KIT: variants seen among roughly 807,000 people sequenced by gnomAD.
KIT encodes KIT proto-oncogene, receptor tyrosine kinase, also known as mast/stem cell growth factor receptor Kit.
A neutral mutation model predicts 105.7 loss-of-function variants in KIT; 16 were observed. The observed-to-expected ratio is 0.15, with a 90% CI of 0.10 to 0.23. The LOEUF is 0.23. Among genes scored for constraint, KIT ranks in the 10% least tolerant of loss-of-function variants. The pLI, the probability that KIT is intolerant of heterozygous loss-of-function variation, is 1.00. For missense variants in KIT, 858 were observed against 1,213.8 expected, an observed-to-expected ratio of 0.71 and a Z score of 4.36; for synonymous variants, 438 against 441.1, an observed-to-expected ratio of 0.99 and a Z score of 0.09.
intron 2 of KIT, among the ~76,000 whole-genome samples, chr4:54,697,755 C>G (rs775164141): frequency 6.6e-6 from 1 of 152,132 alleles, no homozygotes; most frequent in Non-Finnish European, 1.5e-5. Context: ...CTTTAGAAGC[C>G]GAAAGACTCT....
At chr4:54,661,476 T>C (rs1717266144) in intron 1 of KIT, among the ~76,000 whole-genome samples, 1 of 152,224 alleles carries the variant, frequency 6.6e-6, no homozygotes, top group Non-Finnish European at 1.5e-5. Flanking sequence ...TGAACCTCGG[T>C]GTCTCTAGCG....
rs150230728 is a variant in KIT at position 54,658,297 on chromosome 4, A to G, written c.67+216A>G. ...AGACCCCAGCTGCTGGTGGTGGGGG[A>G]CGCGAATCCGGGGTTCTTCGGGAAT... On this transcript the variant is annotated intron_variant, in intron 1 of 20. Transcript: ENST00000288135. 0.026 allele frequency among the ~76,000 whole-genome samples: 3,979 copies of G among 151,968 alleles called. 183 individuals are homozygous for G. The highest frequency in any genetic ancestry group is 0.089 in the African/African-American group (3,694 of 41,444).
intron 1 of KIT, among the ~76,000 whole-genome samples, chr4:54,692,098 ACT>A: frequency 6.6e-6 from 1 of 152,306 alleles, no homozygotes; most frequent in African/African-American, 2.4e-5. Flanking sequence ...TAAAATAAGT[ACT>A]GTTAGTATCC....
At chr4:54,733,028 A>G in intron 16 of KIT, 42 bp from the exon 17 acceptor site, 1 of 1,582,072 alleles carries the variant, frequency 6.3e-7, no homozygotes, top group Non-Finnish European at 8.7e-7. Context: ...TTACAAGTTA[A>G]AATGAATTTA....
intron 7 of KIT, among the ~76,000 whole-genome samples, chr4:54,721,689 A>G (rs1721890235): frequency 6.6e-6 from 1 of 152,204 alleles, no homozygotes; most frequent in Non-Finnish European, 1.5e-5. Context: ...CTGAGAGGTT[A>G]TTCTACAAAG....
Position 54,738,568 on chromosome 4 carries a change from T to A in KIT, c.*11T>A, listed in dbSNP as rs1261309034. 2 of 1,613,720 alleles carry A rather than the reference T, an allele frequency of 1.2e-6. No homozygotes were observed. Reference sequence around the variant, plus strand: ...CACGACGATGTCTGAGCAGAATCAGTGTTTGGGTCACCCCTCCAGGAATGA... The same window carrying A: ...CACGACGATGTCTGAGCAGAATCAGAGTTTGGGTCACCCCTCCAGGAATGA... On this transcript the variant is annotated 3_prime_UTR_variant, in exon 21 of 21. Transcript: ENST00000288135.
At chr4:54,700,461 TAG>T in intron 4 of KIT, among the ~76,000 whole-genome samples, 2 of 152,232 alleles carry the variant, frequency 1.3e-5, no homozygotes, top group Non-Finnish European at 2.9e-5. Flanking sequence ...AAATTTTAGC[TAG>T]TTACTGAAAT....
chr4:54,722,911 A>G (rs902281402), intron 7 of KIT, among the ~76,000 whole-genome samples: 10 of 146,146 alleles, frequency 6.8e-5, no homozygotes, highest in Non-Finnish European at 1.2e-4. Flanking sequence ...ATTCACGTTC[A>G]TAATATACAT....
At chr4:54,735,656 C>A (rs549996825) in intron 17 of KIT, among the ~76,000 whole-genome samples, 12 of 152,194 alleles carry the variant, frequency 7.9e-5, no homozygotes, top group Non-Finnish European at 1.6e-4. Flanking sequence ...CTTATTTAAC[C>A]CACAAGACAA....
At chr4:54,674,057 C>T (rs1186108114) in intron 1 of KIT, among the ~76,000 whole-genome samples, 1 of 152,194 alleles carries the variant, frequency 6.6e-6, no homozygotes, top group African/African-American at 2.4e-5. Context: ...AGGCATGAGC[C>T]ACCGTGCCCG....
chr4:54,720,884 T>A (rs183493711), intron 7 of KIT, among the ~76,000 whole-genome samples: 2 of 152,344 alleles, frequency 1.3e-5, no homozygotes, highest in East Asian at 3.9e-4. Flanking sequence ...AAAATTCATG[T>A]TGTCAGGCGC....
chr4:54,715,092 T>G (rs775642267), intron 7 of KIT, among the ~76,000 whole-genome samples: 22 of 152,330 alleles, frequency 1.4e-4, no homozygotes, highest in Middle Eastern at 3.4e-3. Context: ...TCCTACCTGT[T>G]GTTAGCAATT....
chr4:54,677,674 C>T (rs1718579619), intron 1 of KIT, among the ~76,000 whole-genome samples: 2 of 152,164 alleles, frequency 1.3e-5, no homozygotes, highest in South Asian at 2.1e-4. Flanking sequence ...GATACGCACT[C>T]CTTTGCCTTT....
chr4:54,706,475 T>G (rs1005697778), intron 5 of KIT, among the ~76,000 whole-genome samples: 1 of 152,076 alleles, frequency 6.6e-6, no homozygotes, highest in Non-Finnish European at 1.5e-5. Flanking sequence ...TTAAAAATAT[T>G]TATGGATTTA....
At chr4:54,713,234 CGT>C (rs1447976851) in intron 7 of KIT, among the ~76,000 whole-genome samples, 1 of 151,984 alleles carries the variant, frequency 6.6e-6, no homozygotes, top group African/African-American at 2.4e-5. Flanking sequence ...ACACTATACC[CGT>C]GTATAGTCTT....
At chr4:54,687,702 AC>A (rs1311559119) in intron 1 of KIT, among the ~76,000 whole-genome samples, 1 of 151,746 alleles carries the variant, frequency 6.6e-6, no homozygotes, top group Non-Finnish European at 1.5e-5. Flanking sequence ...TGCTTTGGAC[AC>A]CCCTTCATGC....
chr4:54,727,235 A>G lies in KIT; in HGVS notation c.1558A>G (p.Thr520Ala), dbSNP rs2109773782. 2 of 1,613,988 alleles carry G rather than the reference A, an allele frequency of 1.2e-6. No homozygotes were observed. The highest frequency in any genetic ancestry group is 2.7e-5 in the African/African-American group (2 of 74,996). Residue 520 changes from threonine to alanine, a missense_variant, in exon 10 of 21, where the codon ACC becomes GCC. Thr to Ala is a moderately conservative substitution (Grantham distance 58, BLOSUM62 0). Coordinates refer to ENST00000288135, the MANE Select transcript of KIT (RefSeq NM_000222.3). The stretch of plus-strand genomic sequence containing the variant: ...CATTGTAGAGCAAATCCATCCCCAC[A>G]CCCTGTTCACTCCTTTGCTGATTGG... ...GNNKEQIHPHTLFTPLLIGFV... is the reference protein window; with the variant it reads ...GNNKEQIHPHALFTPLLIGFV...
chr4:54,733,412 T>G lies in KIT; in HGVS notation c.2484+220T>G, dbSNP rs530519200. 14 of 483,664 alleles carry G rather than the reference T, an allele frequency of 2.9e-5. No homozygotes were observed. The East Asian group carries it at 3.4e-4, about 12-fold the overall frequency. The allele number at this position is 483,664 out of a possible 1,614,324, so 30.0% of individuals were successfully genotyped here. A position where few individuals can be genotyped will look rare whatever the true frequency, so the allele number is the denominator to read the frequency against. ...AAGTCCTAATTCTAATTGTGTAATT[T>G]TGGGGCATGTGAAGGAAACAGAAAT... is the stretch of plus-strand genomic sequence containing the variant. On this transcript the variant is annotated intron_variant, in intron 17 of 20. Coordinates refer to ENST00000288135, the MANE Select transcript of KIT (RefSeq NM_000222.3).
rs1716939382 is a variant in KIT at position 54,658,028 on chromosome 4, G to C, written c.14G>C (p.Arg5Pro). The change falls in exon 1 of 21, where the codon CGC (arginine) becomes CCC (proline). Residue 5 changes from arginine (R) to proline (P), a missense_variant. Physicochemically the swap from Arg to Pro is moderately radical, Grantham distance 103 (BLOSUM62 -2). This residue lies in a region of KIT where 46 missense variants were observed against 38.8 expected (regional missense o/e 1.19). Transcript: ENST00000288135. Reference protein sequence around the residue: MRGARGAWDFLCVLL... With the variant: MRGAPGAWDFLCVLL... The stretch of plus-strand genomic sequence containing the variant: ...GCAGCTACCGCGATGAGAGGCGCTC[G>C]CGGCGCCTGGGATTTTCTCTGCGTT... 6.2e-7 allele frequency: 1 copy of C among 1,613,902 alleles called. No individual in the cohort carries two copies. Among genetic ancestry groups the C allele is most frequent in the Non-Finnish European group, 8.5e-7 (1 of 1,179,880 alleles).
Sources: gnomAD v4.1 joint callset for allele counts (sites outside exome capture counted in the v4.1 genomes callset) on GRCh38, gnomAD v4.1.1 for gene constraint, gnomAD v4.1.1 regional missense constraint, MANE v1.5 for transcripts, NCBI Gene and HGNC (gene_info 2026-07-23, HGNC 2026-07-21) for gene names.